Variants in CPSF4 observed in about 807,000 individuals in gnomAD.
The protein encoded by CPSF4 is cleavage and polyadenylation specificity factor subunit 4.
Under a neutral mutation model 37.7 loss-of-function variants are expected in CPSF4, and 11 were observed. The observed-to-expected ratio is 0.29, with a 90% CI of 0.18 to 0.48. The LOEUF is 0.48. Ranked by LOEUF, CPSF4 falls within the 20% of genes least tolerant of loss-of-function variation. The pLI is 0.99. For synonymous variants in CPSF4, 132 were observed against 135.9 expected (o/e 0.97, Z 0.20); for missense variants, 144 against 359.5 (o/e 0.40, Z 4.85).
chr7:99,440,655 C>CATATATATATATATATAT (rs1228721219), intron 1 of CPSF4, among the ~76,000 whole-genome samples: 7 of 90,588 alleles, frequency 7.7e-5, no homozygotes, highest in African/African-American at 5.1e-4. Flanking sequence ...CTGCACCTGG[C>CATATATATATATATATAT]ATATATATAT....
chr7:99,455,173 CCT>C (rs1798219998), intron 7 of CPSF4, among the ~76,000 whole-genome samples: 2 of 152,236 alleles, frequency 1.3e-5, no homozygotes, highest in Non-Finnish European at 2.9e-5. Context: ...GCCCTTAAGT[CCT>C]GGAGCCTTAG....
intron 1 of CPSF4, among the ~76,000 whole-genome samples, chr7:99,440,674 A>ATATATATATATATATATATATATGTTTT: frequency 1.1e-5 from 1 of 88,130 alleles, no homozygotes; most frequent in Non-Finnish European, 1.8e-5. Context: ...ATATATATAT[A>ATATATATATATATATATATATATGTTTT]TTTTTTTTTT....
Position 99,444,802 on chromosome 7 carries a change from T to A in CPSF4, c.117T>A (p.Ala39=). 6.2e-7 allele frequency: 1 copy of A among 1,613,852 alleles called. No homozygotes were observed. The highest frequency in any genetic ancestry group is 8.5e-7 in the Non-Finnish European group (1 of 1,179,834). The part of the protein sequence containing the change: ...PFPGMDKSGA[A]VCEFFLKAAC... ...TCCTTTCTACAGAGTCGGGCGCTGC[T>A]GTCTGTGAATTCTTTTTGAAAGCTG... Residue 39 remains alanine, a synonymous_variant, in exon 2 of 8, where the codon GCT becomes GCA. Transcript: ENST00000292476.
chr7:99,447,922 T>G (rs1476160193), intron 2 of CPSF4, 199 bp from the exon 3 acceptor site: 1 of 620,568 alleles, frequency 1.6e-6, no homozygotes, highest in Non-Finnish European at 2.9e-6. Flanking sequence ...GAGTAACTAT[T>G]AAAATGTAAA....
In CPSF4 at chr7:99,448,292, T is replaced by C. The variant is rs757971836; in HGVS notation, c.307+19T>C. On this transcript the variant is annotated intron_variant, in intron 3 of 7. Transcript: ENST00000292476. The surrounding 1 kb of genome is among the most constrained non-coding windows in gnomAD (Gnocchi z 4.4). The stretch of plus-strand genomic sequence containing the variant: ...AAGTTCGGTAAGGCGCCTGGAGCCC[T>C]GGAGGCTCTGCTGAGAACCAGGGTG... The C allele has an allele frequency of 6.2e-7, 1 of 1,613,416 alleles. No individual in the cohort carries two copies. Among genetic ancestry groups the C allele is most frequent in the Admixed American group, 1.7e-5 (1 of 59,988 alleles).
At chr7:99,441,358 AG>A in intron 1 of CPSF4, 1 of 455,338 alleles carries the variant, frequency 2.2e-6, no homozygotes, top group Non-Finnish European at 4.4e-6. Flanking sequence ...CAAGCCTGTG[AG>A]GGGAGGTACA....
Position 99,450,352 on chromosome 7 carries a change from C to T in CPSF4, c.384C>T (p.Asp128=). Residue 128 remains aspartate, a synonymous_variant, in exon 4 of 8, where the codon GAC becomes GAT. Coordinates refer to ENST00000292476, the MANE Select transcript of CPSF4 (RefSeq NM_006693.4). ...AGATCAAGGACTGTCCTTGGTATGACCGTGGCTTCTGCAAGCACGGTAGGT... is the reference window on the plus strand; with the variant it reads ...AGATCAAGGACTGTCCTTGGTATGATCGTGGCTTCTGCAAGCACGGTAGGT... The part of the protein sequence containing the change: ...ESKIKDCPWY[D]RGFCKHGPLC... The T allele has an allele frequency of 1.2e-6, 2 of 1,613,342 alleles. No homozygotes were observed. Among genetic ancestry groups the T allele is most frequent in the Admixed American group, 1.7e-5 (1 of 59,960 alleles).
chr7:99,451,434 G>A (rs949452653), intron 5 of CPSF4, among the ~76,000 whole-genome samples: 3 of 152,112 alleles, frequency 2.0e-5, no homozygotes, highest in African/African-American at 7.2e-5. Context: ...GTGAAACCCC[G>A]TCTCTACTAA....
chr7:99,444,899 C>T (rs1193614356), intron 2 of CPSF4, 60 bp downstream of exon 2: 33 of 1,483,788 alleles, frequency 2.2e-5, no homozygotes, highest in African/African-American at 5.5e-5. Flanking sequence ...TCCTTCTCCC[C>T]GGCAGACTTG....
rs1346941431 is a variant in CPSF4 at position 99,448,138 on chromosome 7, C to T, written c.172C>T (p.Arg58Cys). 5 of 1,613,968 alleles carry T rather than the reference C, an allele frequency of 3.1e-6. No individual in the cohort carries two copies. The highest frequency in any genetic ancestry group is 1.1e-5 in the South Asian group (1 of 91,070). The change falls in exon 3 of 8, where the codon CGC becomes TGC. Residue 58 changes from arginine to cysteine, a missense_variant. Arg to Cys is a radical substitution (Grantham distance 180). Coordinates refer to ENST00000292476, the MANE Select transcript of CPSF4 (RefSeq NM_006693.4). This position sits in a 1 kb window ranked among gnomAD's most constrained non-coding sequence, Gnocchi z 4.4. ...ACGKGGMCPF[R>C]HISGEKTVVC... ...GCCGGCAGGGGGCATGTGTCCGTTT[C>T]GCCACATCAGTGGTGAGAAGACAGT... is the stretch of plus-strand genomic sequence containing the variant.
intron 1 of CPSF4, among the ~76,000 whole-genome samples, chr7:99,440,888 C>T (rs1038078493): frequency 2.0e-5 from 3 of 150,172 alleles, no homozygotes; most frequent in Non-Finnish European, 4.4e-5. Flanking sequence ...ACACACACAC[C>T]CCCTCTTACC....
chr7:99,442,409 C>G (rs1797064993), intron 1 of CPSF4, among the ~76,000 whole-genome samples: 1 of 151,978 alleles, frequency 6.6e-6, no homozygotes, highest in African/African-American at 2.4e-5. Flanking sequence ...GTAATCCCAG[C>G]ACTTTGGGAG....
In CPSF4 at chr7:99,457,117, C is replaced by G. The variant is rs887543046; in HGVS notation, c.*617C>G. 1 of 180,872 alleles carries G rather than the reference C, an allele frequency of 5.5e-6. No homozygotes were observed. Among genetic ancestry groups the G allele is most frequent in the Non-Finnish European group, 1.2e-5 (1 of 83,296 alleles). The allele number at this position is 180,872 out of a possible 1,614,324, so 11.2% of individuals were successfully genotyped here. A position where few individuals can be genotyped will look rare whatever the true frequency, so the allele number is the denominator to read the frequency against. On this transcript the variant is annotated 3_prime_UTR_variant, in exon 8 of 8. Transcript: ENST00000292476. ...CTTAATTTTCTCTTGGGGTACGTGCCTGACAGTGTTTAAGGTGTCCGTTGA... is the reference window on the plus strand; with the variant it reads ...CTTAATTTTCTCTTGGGGTACGTGCGTGACAGTGTTTAAGGTGTCCGTTGA...
chr7:99,448,456 T>A lies in CPSF4; in HGVS notation c.307+183T>A. On this transcript the variant is annotated intron_variant, in intron 3 of 7. Coordinates refer to ENST00000292476, the MANE Select transcript of CPSF4 (RefSeq NM_006693.4). This position sits in a 1 kb window ranked among gnomAD's most constrained non-coding sequence, Gnocchi z 4.4. ...GGACAGTGTGGCTATTTTCTGCTCA[T>A]CTCTTTTTTTTTTTTTTTTTTTTTA... 8.4e-6 allele frequency: 4 copies of A among 476,108 alleles called. No homozygotes were observed. Among genetic ancestry groups the A allele is most frequent in the East Asian group, 3.8e-5 (1 of 26,054 alleles). The allele number at this position is 476,108 out of a possible 1,614,324, so 29.5% of individuals were successfully genotyped here. A position where few individuals can be genotyped will look rare whatever the true frequency, so the allele number is the denominator to read the frequency against.
chr7:99,441,245 C>T (rs1796953257), intron 1 of CPSF4: 1 of 365,512 alleles, frequency 2.7e-6, no homozygotes, highest in African/African-American at 2.1e-5. Flanking sequence ...GCCACTGTGC[C>T]CAGCCGGCCT....
rs76617059 is a variant in CPSF4, at chr7:99,445,276, T to A, written c.154+437T>A. Among the ~76,000 whole-genome samples the A allele has an allele frequency of 1.1e-3, 168 of 152,242 alleles. 3 individuals are homozygous for A. The East Asian group carries it at 0.026, about 24-fold the overall frequency. ...TAACCCATCTTGCGGGGTCTTGTTC[T>A]CGATAACCAGCCCTCAACACAGACT... On this transcript the variant is annotated intron_variant, in intron 2 of 7. Transcript: ENST00000292476.
At chr7:99,447,235 T>G (rs933661546) in intron 2 of CPSF4, among the ~76,000 whole-genome samples, 9 of 151,344 alleles carry the variant, frequency 5.9e-5, no homozygotes, top group Admixed American at 2.6e-4. Flanking sequence ...AGATTTGAGC[T>G]CCTACACCCG....
chr7:99,444,548 G>A (rs1186014949), intron 1 of CPSF4, among the ~76,000 whole-genome samples: 31 of 152,084 alleles, frequency 2.0e-4, no homozygotes, highest in Admixed American at 2.0e-3. Flanking sequence ...ATATACAGGA[G>A]GCTCTCAAAG....
At chr7:99,445,210 G>C (rs1797383032) in intron 2 of CPSF4, among the ~76,000 whole-genome samples, 1 of 152,104 alleles carries the variant, frequency 6.6e-6, no homozygotes, top group African/African-American at 2.4e-5. Context: ...GTTTCCACTG[G>C]CTCATGGTTT....
Sources: gnomAD v4.1 joint callset for allele counts (sites outside exome capture counted in the v4.1 genomes callset) on GRCh38, gnomAD v4.1.1 for gene constraint, Gnocchi (gnomAD v3.1) non-coding constraint, MANE v1.5 for transcripts, NCBI Gene and HGNC (gene_info 2026-07-23, HGNC 2026-07-21) for gene names.